TM4SF20: variants seen among roughly 807,000 people sequenced by gnomAD.
The protein encoded by TM4SF20 is transmembrane 4 L6 family member 20.
Under a neutral mutation model 15.1 loss-of-function variants are expected in TM4SF20, and 13 were observed. The observed-to-expected ratio is 0.86, with a 90% CI of 0.56 to 1.36. The LOEUF (loss-of-function observed/expected upper bound fraction) is 1.36. Among genes scored for constraint, TM4SF20 ranks in the 40% most tolerant of loss-of-function variants. The probability of loss-of-function intolerance (pLI) is 0.00; values close to 1 mark genes in which losing one functional copy is unlikely to be tolerated. For missense variants in TM4SF20, 282 were observed against 268.4 expected (o/e 1.05, Z -0.35); for synonymous variants, 92 against 96.6 (o/e 0.95, Z 0.28).
intron 2 of TM4SF20, among the ~76,000 whole-genome samples, chr2:227,368,355 A>ATATATATATATATATATATATAT (rs397988096): frequency 6.1e-5 from 8 of 132,062 alleles, no homozygotes; most frequent in African/African-American, 8.7e-5. Flanking sequence ...ATATATATAT[A>ATATATATATATATATATATATAT]ATTTTTTGTT....
chr2:227,372,476 T>G (rs2076425780), intron 1 of TM4SF20, among the ~76,000 whole-genome samples: 1 of 151,970 alleles, frequency 6.6e-6, no homozygotes, highest in South Asian at 2.1e-4. Flanking sequence ...AAACCCCGTC[T>G]CTACTAAAAA....
intron 3 of TM4SF20, among the ~76,000 whole-genome samples, chr2:227,365,749 T>C (rs540509954): frequency 2.0e-5 from 3 of 152,342 alleles, no homozygotes; most frequent in African/African-American, 7.2e-5. Flanking sequence ...ATTTCCATTC[T>C]CCAAGGATGA....
At chr2:227,365,646 G>A (rs2076389080) in intron 3 of TM4SF20, among the ~76,000 whole-genome samples, 1 of 152,128 alleles carries the variant, frequency 6.6e-6, no homozygotes, top group Admixed American at 6.5e-5. Flanking sequence ...TTTTTAAATT[G>A]TAAATGTAAT....
At chr2:227,371,624 G>C (rs2076421631) in intron 1 of TM4SF20, among the ~76,000 whole-genome samples, 1 of 152,158 alleles carries the variant, frequency 6.6e-6, no homozygotes, top group Non-Finnish European at 1.5e-5. Context: ...CATTACGCCT[G>C]GCCCGATTTC....
At position 227,366,043 on chromosome 2, in the gene TM4SF20, A is replaced by C. The variant is rs531801727; in HGVS notation, c.401+50T>G. On this transcript the variant is annotated intron_variant, in intron 3 of 3. Coordinates refer to ENST00000304568, the MANE Select transcript of TM4SF20 (RefSeq NM_024795.4). ...TCCAGTACTGCATTAATCTAATCAA[A>C]CTAGTTCAACTGTGTGAGACAGTAA... The C allele has an allele frequency of 9.0e-6, 14 of 1,560,580 alleles. No individual in the cohort carries two copies. In the South Asian group the frequency reaches 1.6e-4, roughly 18 times the overall value.
rs575973865 is a variant in TM4SF20, at chr2:227,363,855, T to C, written c.559A>G (p.Ile187Val). Reference protein sequence around the residue: ...FDSEENKHRLIHFSVFLGLLL... With the variant: ...FDSEENKHRLVHFSVFLGLLL... ...AGACCTAAAAATACTGAGAAGTGGA[T>C]AAGCCTATGTTTGTTTTCTTCAGAA... The change falls in exon 4 of 4, where the codon ATC becomes GTC. Residue 187 changes from isoleucine (I) to valine (V), a missense_variant. Ile to Val is a conservative substitution (Grantham distance 29). Coordinates refer to ENST00000304568, the MANE Select transcript of TM4SF20 (RefSeq NM_024795.4). 48 of 1,614,132 alleles carry C rather than the reference T, an allele frequency of 3.0e-5. 2 individuals carry two copies. In the South Asian group the frequency reaches 4.8e-4, roughly 16 times the overall value.
chr2:227,375,963 T>A (rs776676064), intron 1 of TM4SF20, among the ~76,000 whole-genome samples: 72 of 152,230 alleles, frequency 4.7e-4, no homozygotes, highest in Non-Finnish European at 2.8e-4. Context: ...GAGATCTTTT[T>A]AAAAATACTC....
At chr2:227,369,670 C>G (rs1453849702) in intron 2 of TM4SF20, among the ~76,000 whole-genome samples, 1 of 151,946 alleles carries the variant, frequency 6.6e-6, no homozygotes, top group Non-Finnish European at 1.5e-5. Context: ...CTCAAGTGAT[C>G]CTCCCACCTC....
intron 3 of TM4SF20, 112 bp downstream of exon 3, chr2:227,365,981 G>A: frequency 3.6e-6 from 4 of 1,106,524 alleles, no homozygotes; most frequent in Non-Finnish European, 5.0e-6. Context: ...GAATCCGTTT[G>A]TCCCGGCAGT....
rs563855926 is a variant in TM4SF20 at position 227,362,481 on chromosome 2, T to A, written c.*1243A>T. 6.6e-6 allele frequency: 1 copy of A among 152,266 alleles called. No homozygotes were observed. The highest frequency in any genetic ancestry group is 1.9e-4 in the East Asian group (1 of 5,190). The allele number at this position is 152,266 out of a possible 1,614,324, so 9.4% of individuals were successfully genotyped here. A position where few individuals can be genotyped will look rare whatever the true frequency, so the allele number is the denominator to read the frequency against. On this transcript the variant is annotated 3_prime_UTR_variant, in exon 4 of 4. Transcript: ENST00000304568. The stretch of plus-strand genomic sequence containing the variant: ...GGTTGAGCATCACTAATCCAAAAAT[T>A]CAAAATCCAGAATGCTCCGAGATCC...
chr2:227,363,465 T>A lies in TM4SF20; in HGVS notation c.*259A>T, dbSNP rs1375254279. 3.2e-6 allele frequency: 1 copy of A among 316,636 alleles called. No homozygotes were observed. The highest frequency in any genetic ancestry group is 4.7e-5 in the Admixed American group (1 of 21,394). The allele number at this position is 316,636 out of a possible 1,614,324, so 19.6% of individuals were successfully genotyped here. ...ACTTTTATTTTCAGGATGACTTCCG[T>A]TCCTTCTCATCCTCCTTCCCTTCTC... On this transcript the variant is annotated 3_prime_UTR_variant, in exon 4 of 4. Coordinates refer to ENST00000304568, the MANE Select transcript of TM4SF20 (RefSeq NM_024795.4).
intron 2 of TM4SF20, among the ~76,000 whole-genome samples, chr2:227,368,017 C>CTTTTTTTTTTTTTTT (rs748891185): frequency 1.7e-5 from 2 of 116,696 alleles, no homozygotes; most frequent in Non-Finnish European, 1.8e-5. Flanking sequence ...TTTTAACCAT[C>CTTTTTTTTTTTTTTT]TATTTTTTTT....
rs59401554 is a variant in TM4SF20, at chr2:227,366,716, C to CAAAAAAAAA, written c.250-481_250-473dup. On this transcript the variant is annotated intron_variant, in intron 2 of 3. Coordinates refer to ENST00000304568, the MANE Select transcript of TM4SF20 (RefSeq NM_024795.4). ...GCTGGGTGACAGAGCAAGACTCTGT[C>CAAAAAAAAA]AAAAAAAAAAAAAAAAAAAAAAAAA... Among the ~76,000 whole-genome samples, 141 of 68,218 alleles carry CAAAAAAAAA rather than the reference C, an allele frequency of 2.1e-3. 9 individuals carry two copies. The highest frequency in any genetic ancestry group is 2.3e-3 in the Non-Finnish European group (84 of 36,150). The allele number at this position is 68,218 out of a possible 152,430, so 44.8% of individuals were successfully genotyped here.
intron 2 of TM4SF20, among the ~76,000 whole-genome samples, chr2:227,366,716 CAA>C (rs59401554): frequency 1.5e-5 from 1 of 68,224 alleles, no homozygotes; most frequent in African/African-American, 5.1e-5. Flanking sequence ...AAGACTCTGT[CAA>C]AAAAAAAAAA....
intron 1 of TM4SF20, among the ~76,000 whole-genome samples, chr2:227,375,797 A>G (rs945120565): frequency 6.6e-6 from 1 of 152,154 alleles, no homozygotes; most frequent in Non-Finnish European, 1.5e-5. Flanking sequence ...CCAGCTTTCA[A>G]CAATTTGTTC....
chr2:227,373,669 G>A (rs1204557429), intron 1 of TM4SF20, among the ~76,000 whole-genome samples: 2 of 152,056 alleles, frequency 1.3e-5, no homozygotes, highest in Admixed American at 1.3e-4. Flanking sequence ...GGTGGCTCAC[G>A]TCTGTAATCC....
At chr2:227,366,583 G>T (rs887662171) in intron 2 of TM4SF20, among the ~76,000 whole-genome samples, 1 of 151,620 alleles carries the variant, frequency 6.6e-6, no homozygotes, top group Non-Finnish European at 1.5e-5. Context: ...CAAAAACTTA[G>T]CCAGGCTTGG....
intron 1 of TM4SF20, among the ~76,000 whole-genome samples, chr2:227,378,508 C>T (rs754797253): frequency 2.6e-5 from 4 of 152,122 alleles, no homozygotes; most frequent in Admixed American, 6.5e-5. Context: ...TCAACAAGCT[C>T]GATGTCCTAG....
Position 227,363,457 on chromosome 2 carries a change from G to T in TM4SF20, c.*267C>A. On this transcript the variant is annotated 3_prime_UTR_variant, in exon 4 of 4. Transcript: ENST00000304568. ...AGTCCTGTACTTTTATTTTCAGGAT[G>T]ACTTCCGTTCCTTCTCATCCTCCTT... is the stretch of plus-strand genomic sequence containing the variant. The T allele has an allele frequency of 3.6e-6, 1 of 274,384 alleles. No individual in the cohort carries two copies. Among genetic ancestry groups the T allele is most frequent in the Non-Finnish European group, 6.8e-6 (1 of 147,870 alleles). 17.0% of individuals were successfully genotyped at this position (274,384 alleles called of 1,614,324 possible). A position where few individuals can be genotyped will look rare whatever the true frequency, so the allele number is the denominator to read the frequency against.
Sources: gnomAD v4.1 joint callset for allele counts (sites outside exome capture counted in the v4.1 genomes callset) on GRCh38, gnomAD v4.1.1 for gene constraint, MANE v1.5 for transcripts, NCBI Gene and HGNC (gene_info 2026-07-23, HGNC 2026-07-21) for gene names.